GNA15: variants seen among roughly 807,000 people sequenced by gnomAD.
The protein encoded by GNA15 is guanine nucleotide-binding protein subunit alpha-15.
A neutral mutation model predicts 40.1 loss-of-function variants in GNA15; 23 were observed. That is an observed-to-expected ratio of 0.57 (90% CI 0.41 to 0.81). The LOEUF (loss-of-function observed/expected upper bound fraction) is 0.81. GNA15 is among the 40% of genes least tolerant of loss of function. The pLI is 0.00. For missense variants in GNA15, 522 were observed against 515.8 expected, an observed-to-expected ratio of 1.01 and a Z score of -0.12; for synonymous variants, 226 against 210.4, an observed-to-expected ratio of 1.07 and a Z score of -0.64.
intron 1 of GNA15, among the ~76,000 whole-genome samples, chr19:3,146,848 G>A (rs760421598): frequency 3.3e-5 from 5 of 152,010 alleles, no homozygotes; most frequent in Admixed American, 6.6e-5. Flanking sequence ...GTCCCTCAGG[G>A]TCAAAGCCCA....
At chr19:3,137,765 A>G (rs1914487519) in intron 1 of GNA15, among the ~76,000 whole-genome samples, 1 of 151,054 alleles carries the variant, frequency 6.6e-6, no homozygotes, top group Admixed American at 6.6e-5. Flanking sequence ...CTGGCGACAG[A>G]GTGAGACGCC....
intron 5 of GNA15, among the ~76,000 whole-genome samples, chr19:3,157,293 C>A (rs1275383783): frequency 6.6e-6 from 1 of 152,202 alleles, no homozygotes; most frequent in Non-Finnish European, 1.5e-5. Flanking sequence ...GCTGCCGCGC[C>A]CGGCCAGGTC....
intron 2 of GNA15, chr19:3,149,273 A>C (rs1914819156): frequency 6.1e-6 from 1 of 162,992 alleles, no homozygotes; most frequent in South Asian, 1.5e-4. Flanking sequence ...GCAAATTCCC[A>C]CATGCACACA....
rs773416139 is a variant in GNA15, at chr19:3,136,169, G to A, written c.-282G>A. The A allele has an allele frequency of 5.7e-6, 2 of 352,554 alleles. No homozygotes were observed. The highest frequency in any genetic ancestry group is 1.0e-5 in the Non-Finnish European group (2 of 191,734). 21.8% of individuals were successfully genotyped at this position (352,554 alleles called of 1,614,324 possible). ...CTTCACCGTCAACCTGTCGGGCCGG[G>A]TCTGAGCAGGTCTGGAGGTGGGCGG... On this transcript the variant is annotated 5_prime_UTR_variant, in exon 1 of 7. Transcript: ENST00000262958. The surrounding 1 kb of genome is among the most constrained non-coding windows in gnomAD (Gnocchi z 4.9).
At chr19:3,144,872 A>G (rs1487114129) in intron 1 of GNA15, among the ~76,000 whole-genome samples, 6 of 150,840 alleles carry the variant, frequency 4.0e-5, no homozygotes, top group African/African-American at 1.5e-4. Flanking sequence ...TCTGTCACCC[A>G]GGTTGGAGTG....
At position 3,163,123 on chromosome 19, in the gene GNA15, C is replaced by T. The variant is rs1375590225; in HGVS notation, c.*104C>T. 1.3e-5 allele frequency: 10 copies of T among 740,956 alleles called. No homozygotes were observed. The highest frequency in any genetic ancestry group is 1.6e-5 in the South Asian group (1 of 63,188). The allele number at this position is 740,956 out of a possible 1,614,324, so 45.9% of individuals were successfully genotyped here. A position where few individuals can be genotyped will look rare whatever the true frequency, so the allele number is the denominator to read the frequency against. On this transcript the variant is annotated 3_prime_UTR_variant, in exon 7 of 7. Transcript: ENST00000262958. Reference sequence around the variant, plus strand: ...GGTCTATCTCTCCAGCCTCGGCCCACACGCAAGGGAGTCGGGGGACGGACG... The same window carrying T: ...GGTCTATCTCTCCAGCCTCGGCCCATACGCAAGGGAGTCGGGGGACGGACG...
intron 2 of GNA15, chr19:3,149,920 G>T: frequency 5.8e-6 from 3 of 519,644 alleles, no homozygotes; most frequent in Admixed American, 3.6e-5. Context: ...CCCCTCATGT[G>T]GTGGTCTGTG....
At position 3,162,700 on chromosome 19, in the gene GNA15, C is replaced by T. The variant is rs567935382; in HGVS notation, c.899-93C>T. ...AAATGACAGGCGCGATCCCTGGGTC[C>T]CTTCAGTGCTGGTTACAGGGAAGAG... On this transcript the variant is annotated intron_variant, in intron 6 of 6. Coordinates refer to ENST00000262958, the MANE Select transcript of GNA15 (RefSeq NM_002068.4). 6.5e-5 allele frequency: 48 copies of T among 743,016 alleles called. No homozygotes were observed. In the East Asian group the frequency reaches 1.2e-3, roughly 19 times the overall value. 46.0% of individuals were successfully genotyped at this position (743,016 alleles called of 1,614,324 possible). A position where few individuals can be genotyped will look rare whatever the true frequency, so the allele number is the denominator to read the frequency against.
At chr19:3,156,804 C>T (rs1297172008) in intron 5 of GNA15, among the ~76,000 whole-genome samples, 1 of 152,056 alleles carries the variant, frequency 6.6e-6, no homozygotes, top group Non-Finnish European at 1.5e-5. Flanking sequence ...CCAATAGCCT[C>T]TTTTAATAAG....
intron 1 of GNA15, among the ~76,000 whole-genome samples, chr19:3,146,111 T>G (rs1266687894): frequency 2.6e-5 from 4 of 152,128 alleles, no homozygotes; most frequent in African/African-American, 4.8e-5. Flanking sequence ...CCTTCCCTTT[T>G]TGCTGCCGCT....
chr19:3,152,304 C>A (rs962490427), intron 4 of GNA15, among the ~76,000 whole-genome samples: 6 of 151,556 alleles, frequency 4.0e-5, no homozygotes, highest in African/African-American at 1.5e-4. Flanking sequence ...GGACAGCGGG[C>A]GTGGGGATGG....
intron 6 of GNA15, among the ~76,000 whole-genome samples, chr19:3,160,604 G>A (rs1915119702): frequency 1.3e-5 from 2 of 152,332 alleles, no homozygotes; most frequent in Middle Eastern, 3.4e-3. Context: ...GGAAGTGACG[G>A]CAGCCATCTT....
intron 6 of GNA15, among the ~76,000 whole-genome samples, chr19:3,158,343 G>A (rs908335665): frequency 2.6e-5 from 4 of 151,912 alleles, no homozygotes; most frequent in African/African-American, 9.7e-5. Flanking sequence ...ACGAAAAGAC[G>A]GGATTTCACC....
Position 3,136,301 on chromosome 19 carries a change from G to T in GNA15, c.-150G>T, listed in dbSNP as rs1914456750. 1 of 734,364 alleles carries T rather than the reference G, an allele frequency of 1.4e-6. No homozygotes were observed. Among genetic ancestry groups the T allele is most frequent in the South Asian group, 1.9e-5 (1 of 52,706 alleles). The allele number at this position is 734,364 out of a possible 1,614,324, so 45.5% of individuals were successfully genotyped here. Reference sequence around the variant, plus strand: ...GGGTGTTTCAGGCAAGGAAGTCTAGGTCCCTGGGGGGTGACCCCCAAGGAA... The same window carrying T: ...GGGTGTTTCAGGCAAGGAAGTCTAGTTCCCTGGGGGGTGACCCCCAAGGAA... On this transcript the variant is annotated 5_prime_UTR_variant, in exon 1 of 7. Coordinates refer to ENST00000262958, the MANE Select transcript of GNA15 (RefSeq NM_002068.4). This position sits in a 1 kb window ranked among gnomAD's most constrained non-coding sequence, Gnocchi z 4.9.
intron 5 of GNA15, among the ~76,000 whole-genome samples, chr19:3,156,454 ACACGCACACACAGG>A (rs1247241025): frequency 4.7e-5 from 7 of 148,436 alleles, no homozygotes; most frequent in Non-Finnish European, 1.5e-5. Context: ...ACACACATGC[ACACGCACACACAGG>A]CACACACACG....
intron 1 of GNA15, among the ~76,000 whole-genome samples, chr19:3,140,051 C>CTATCTATCTATG (rs1914544092): frequency 6.7e-6 from 1 of 148,648 alleles, no homozygotes; most frequent in African/African-American, 2.5e-5. Flanking sequence ...AAAAATCTAT[C>CTATCTATCTATG]TATCTATCTA....
intron 5 of GNA15, 57 bp from the exon 6 acceptor site, chr19:3,157,671 G>C (rs1915059485): frequency 2.0e-6 from 3 of 1,527,512 alleles, no homozygotes; most frequent in Middle Eastern, 1.7e-4. Context: ...GCGATGGGAG[G>C]GTTTCCTGTC....
intron 1 of GNA15, among the ~76,000 whole-genome samples, chr19:3,141,300 CA>C (rs1568292996): frequency 6.6e-6 from 1 of 150,950 alleles, no homozygotes; most frequent in East Asian, 1.9e-4. Flanking sequence ...TAAACAAAAA[CA>C]AAAAAAGAAA....
chr19:3,139,636 A>C (rs1301614258), intron 1 of GNA15, among the ~76,000 whole-genome samples: 3 of 150,100 alleles, frequency 2.0e-5, no homozygotes, highest in Non-Finnish European at 4.4e-5. Flanking sequence ...GCAGTGGCTC[A>C]TGCCTGTAAT....
Sources: gnomAD v4.1 joint callset for allele counts (sites outside exome capture counted in the v4.1 genomes callset) on GRCh38, gnomAD v4.1.1 for gene constraint, Gnocchi (gnomAD v3.1) non-coding constraint, MANE v1.5 for transcripts, NCBI Gene and HGNC (gene_info 2026-07-23, HGNC 2026-07-21) for gene names.